SUMF1: variants seen among roughly 807,000 people sequenced by gnomAD.
SUMF1 encodes the protein sulfatase modifying factor 1, also known as formylglycine-generating enzyme.
Under a neutral mutation model 47.6 loss-of-function variants are expected in SUMF1, and 48 were observed. The ratio of observed to expected loss-of-function variants is 1.01; its 90% CI spans 0.80 to 1.28. The LOEUF is 1.28. SUMF1 is among the 50% of genes most tolerant of loss of function. SUMF1 has a pLI of 0.00. For missense variants in SUMF1, 571 were observed against 485.4 expected, an observed-to-expected ratio of 1.18 and a Z score of -1.66; for synonymous variants, 230 against 192.1, an observed-to-expected ratio of 1.20 and a Z score of -1.63.
intron 8 of SUMF1, among the ~76,000 whole-genome samples, chr3:4,100,572 C>A (rs530410199): frequency 1.3e-5 from 2 of 151,968 alleles, no homozygotes; most frequent in East Asian, 3.9e-4. Context: ...TATAAAACTA[C>A]CAGAAGAAAA....
intron 8 of SUMF1, among the ~76,000 whole-genome samples, chr3:4,302,332 G>C (rs1356520112): frequency 1.3e-5 from 2 of 152,132 alleles, no homozygotes. Context: ...GTGGCTTCCA[G>C]GTCATAGGTA....
chr3:4,411,440 C>A (rs558781135), intron 6 of SUMF1, among the ~76,000 whole-genome samples: 72 of 152,130 alleles, frequency 4.7e-4, no homozygotes, highest in Non-Finnish European at 8.5e-4. Context: ...TCTGTCCTCT[C>A]CACAAGTTTC....
chr3:4,257,758 C>T (rs1213245957), intron 8 of SUMF1, among the ~76,000 whole-genome samples: 2 of 151,964 alleles, frequency 1.3e-5, no homozygotes, highest in Non-Finnish European at 2.9e-5. Flanking sequence ...TTGGAAAAAA[C>T]TACTTTAAAG....
chr3:4,071,242 C>T (rs1337466678), intron 8 of SUMF1, among the ~76,000 whole-genome samples: 1 of 152,056 alleles, frequency 6.6e-6, no homozygotes, highest in East Asian at 1.9e-4. Context: ...ACACAGAAGA[C>T]AGGTGATTTC....
At chr3:4,261,028 G>A (rs569175012) in intron 8 of SUMF1, among the ~76,000 whole-genome samples, 2 of 152,262 alleles carry the variant, frequency 1.3e-5, no homozygotes, top group East Asian at 1.9e-4. Context: ...GCCAGTAGAT[G>A]TGTGATAAGT....
At chr3:4,348,437 C>T (rs1165655866) in intron 8 of SUMF1, among the ~76,000 whole-genome samples, 1 of 152,152 alleles carries the variant, frequency 6.6e-6, no homozygotes, top group East Asian at 1.9e-4. Flanking sequence ...AAAGGATTCC[C>T]TATTTAATAA....
intron 8 of SUMF1, among the ~76,000 whole-genome samples, chr3:4,088,748 T>C (rs948592753): frequency 5.3e-5 from 8 of 152,234 alleles, no homozygotes; most frequent in African/African-American, 1.9e-4. Flanking sequence ...CATAGTTTCT[T>C]CCTTACTGAA....
intron 3 of SUMF1, among the ~76,000 whole-genome samples, chr3:4,441,945 T>C (rs1702601382): frequency 6.6e-6 from 1 of 152,088 alleles, no homozygotes; most frequent in Non-Finnish European, 1.5e-5. Flanking sequence ...AGCAAATCCA[T>C]GTGACAAAGT....
intron 7 of SUMF1, among the ~76,000 whole-genome samples, chr3:4,387,062 A>AT (rs1447899818): frequency 6.6e-6 from 1 of 151,732 alleles, no homozygotes; most frequent in African/African-American, 2.4e-5. Context: ...GTAACCTTCT[A>AT]TTTTTTTACT....
At chr3:4,460,577 G>A (rs1409145903) in intron 1 of SUMF1, among the ~76,000 whole-genome samples, 1 of 149,832 alleles carries the variant, frequency 6.7e-6, no homozygotes, top group Admixed American at 6.7e-5. Flanking sequence ...TATCCCTCTA[G>A]CTCATGTGCC....
At chr3:4,172,704 T>A (rs2125125169) in intron 8 of SUMF1, among the ~76,000 whole-genome samples, 1 of 152,202 alleles carries the variant, frequency 6.6e-6, no homozygotes, top group Non-Finnish European at 1.5e-5. Flanking sequence ...TTTTTTTTGT[T>A]TTTTGGGGTT....
chr3:4,291,774 C>T (rs756007932), intron 8 of SUMF1, among the ~76,000 whole-genome samples: 15 of 152,142 alleles, frequency 9.9e-5, no homozygotes, highest in Non-Finnish European at 1.6e-4. Context: ...AAAAAATGTC[C>T]TTATCTTTTA....
intron 8 of SUMF1, among the ~76,000 whole-genome samples, chr3:4,262,163 T>C (rs949500969): frequency 2.6e-5 from 4 of 151,992 alleles, no homozygotes; most frequent in African/African-American, 9.7e-5. Context: ...CTCCTTGTCA[T>C]AAAAACAGAC....
chr3:4,333,003 C>A (rs1699079568), intron 8 of SUMF1, among the ~76,000 whole-genome samples: 1 of 152,172 alleles, frequency 6.6e-6, no homozygotes, highest in Non-Finnish European at 1.5e-5. Flanking sequence ...TGGCCAAACT[C>A]CAGGGGAAGA....
chr3:4,322,879 T>C (rs2125118755), intron 8 of SUMF1, among the ~76,000 whole-genome samples: 1 of 152,140 alleles, frequency 6.6e-6, no homozygotes, highest in East Asian at 1.9e-4. Context: ...AAAAAGTGTA[T>C]GCACATCCAG....
intron 8 of SUMF1, among the ~76,000 whole-genome samples, chr3:4,255,639 G>A (rs1410432431): frequency 7.6e-6 from 1 of 132,434 alleles, no homozygotes; most frequent in Admixed American, 7.6e-5. Flanking sequence ...CCTACAAAGA[G>A]ACTTAGACTA....
intron 3 of SUMF1, among the ~76,000 whole-genome samples, chr3:4,436,826 T>C (rs1702415721): frequency 6.9e-6 from 1 of 145,584 alleles, no homozygotes; most frequent in Non-Finnish European, 1.5e-5. Flanking sequence ...GAGATAACCT[T>C]AAAATCAGCC....
At chr3:4,156,508 G>C (rs943519011) in intron 8 of SUMF1, among the ~76,000 whole-genome samples, 1 of 151,570 alleles carries the variant, frequency 6.6e-6, no homozygotes, top group Non-Finnish European at 1.5e-5. Context: ...GAACAGAAAG[G>C]CATCTATCAA....
chr3:4,378,448 G>A (rs1700396694), intron 7 of SUMF1, among the ~76,000 whole-genome samples: 1 of 152,166 alleles, frequency 6.6e-6, no homozygotes, highest in African/African-American at 2.4e-5. Flanking sequence ...CACAGACAAA[G>A]CCATTGGCTA....
Sources: allele counts gnomAD v4.1 joint callset (sites outside exome capture counted in the v4.1 genomes callset), GRCh38; gene constraint gnomAD v4.1.1; transcripts MANE v1.5; gene names NCBI Gene and HGNC (gene_info 2026-07-23, HGNC 2026-07-21).